NHSL1: variants seen among roughly 807,000 people sequenced by gnomAD.
NHSL1 encodes NHS-like protein 1.
Under a neutral mutation model 95.0 loss-of-function variants are expected in NHSL1, and 48 were observed. That is an observed-to-expected ratio of 0.51 (90% CI 0.40 to 0.64). The LOEUF is 0.64. Ranked by LOEUF, NHSL1 falls within the 30% of genes least tolerant of loss-of-function variation. NHSL1 has a pLI of 0.00. For synonymous variants in NHSL1, 783 were observed against 833.9 expected, an observed-to-expected ratio of 0.94 and a Z score of 1.05; for missense variants, 1,971 against 2,077.7, an observed-to-expected ratio of 0.95 and a Z score of 1.00.
At chr6:138,579,502 T>C (rs1784021132) in intron 1 of NHSL1, among the ~76,000 whole-genome samples, 1 of 152,258 alleles carries the variant, frequency 6.6e-6, no homozygotes, top group African/African-American at 2.4e-5. Context: ...TGTTTCACTT[T>C]GGGAAGAAAG....
At chr6:138,547,021 C>T (rs773970458), upstream of NHSL1, among the ~76,000 whole-genome samples, 1 of 152,216 alleles carries the variant, frequency 6.6e-6, no homozygotes, top group Non-Finnish European at 1.5e-5. Flanking sequence ...CCATTGTTCA[C>T]AGGACCCGTT....
chr6:138,573,716 G>A (rs1485662833), upstream of NHSL1, among the ~76,000 whole-genome samples: 1 of 152,110 alleles, frequency 6.6e-6, no homozygotes, highest in Non-Finnish European at 1.5e-5. Flanking sequence ...TTGAGATCAC[G>A]TAGTTTAAAC....
chr6:138,432,819 C>T lies in NHSL1; in HGVS notation c.1526G>A (p.Arg509Lys), dbSNP rs567311669. Residue 509 changes from arginine to lysine, a missense_variant, in exon 6 of 8, where the codon AGG becomes AAG. Coordinates refer to ENST00000343505, the MANE Select transcript of NHSL1 (RefSeq NM_001144060.2). The surrounding 1 kb of genome is among the most constrained non-coding windows in gnomAD (Gnocchi z 4.4). ...SAVPLNAPAN[R>K]ENGSQAMPYN... ...CGGCATAGCTTGGGACCCATTCTCC[C>T]TATTTGCTGGAGCATTTAGAGGGAC... 72 of 1,551,626 alleles carry T rather than the reference C, an allele frequency of 4.6e-5. 2 individuals are homozygous for T. The South Asian group carries it at 8.0e-4, about 17-fold the overall frequency.
Position 138,432,043 on chromosome 6 carries a change from C to A in NHSL1, c.2302G>T (p.Asp768Tyr), listed in dbSNP as rs1218709231. The A allele has an allele frequency of 6.4e-7, 1 of 1,551,644 alleles. No homozygotes were observed. Among genetic ancestry groups the A allele is most frequent in the Non-Finnish European group, 8.7e-7 (1 of 1,147,008 alleles). The change falls in exon 6 of 8, where the codon GAC becomes TAC. Residue 768 changes from aspartate (D) to tyrosine (Y), a missense_variant. By Grantham distance (160) the Asp-to-Tyr change is radical (BLOSUM62 -3). Transcript: ENST00000343505. The surrounding 1 kb of genome is among the most constrained non-coding windows in gnomAD (Gnocchi z 4.4). ...TACTCTGACTTGACGCTGCTTGTGT[C>A]ACTCTGCGATGGCGTGGCCCCGCAC... is the stretch of plus-strand genomic sequence containing the variant. ...SLCGATPSQS[D>Y]TSSVKSEYTD...
chr6:138,552,369 G>A (rs1583400604), intron 1 of NHSL1, among the ~76,000 whole-genome samples: 1 of 152,084 alleles, frequency 6.6e-6, no homozygotes, highest in Admixed American at 6.5e-5. Context: ...GCAGTGAGCT[G>A]AGATCATGCC....
intron 3 of NHSL1, among the ~76,000 whole-genome samples, chr6:138,466,062 C>G (rs1179157997): frequency 7.4e-6 from 1 of 134,752 alleles, no homozygotes; most frequent in Non-Finnish European, 1.6e-5. Flanking sequence ...CAGGGGGGAA[C>G]AGAGTCTTGC....
chr6:138,582,206 CTTAAT>C (rs1215569678), intron 1 of NHSL1, among the ~76,000 whole-genome samples: 1 of 151,996 alleles, frequency 6.6e-6, no homozygotes, highest in African/African-American at 2.4e-5. Flanking sequence ...CCAAAGTGGC[CTTAAT>C]TTAAAGAGCA....
At position 138,636,297 on chromosome 6, in the gene NHSL1, C is replaced by T. The variant is rs1784888189; in HGVS notation, c.96+56179G>A. Among the ~76,000 whole-genome samples, 3 of 152,172 alleles carry T rather than the reference C, an allele frequency of 2.0e-5. No homozygotes were observed. In the East Asian group the frequency reaches 5.8e-4, roughly 29 times the overall value. On this transcript the variant is annotated intron_variant, in intron 1 of 3. Coordinates refer to the NHSL1 transcript ENST00000491526. ...CATAATAAATGCCACATACAACAGACCCATAGCTAATATAATGAACAGGGA... is the reference window on the plus strand; with the variant it reads ...CATAATAAATGCCACATACAACAGATCCATAGCTAATATAATGAACAGGGA...
chr6:138,587,164 G>T (rs1167582984), intron 1 of NHSL1, among the ~76,000 whole-genome samples: 1 of 151,732 alleles, frequency 6.6e-6, no homozygotes, highest in African/African-American at 2.4e-5. Context: ...GTAGAGGTGG[G>T]TTTTTGCCAT....
chr6:138,470,046 AT>A (rs1382599250), intron 3 of NHSL1, among the ~76,000 whole-genome samples: 3 of 152,100 alleles, frequency 2.0e-5, no homozygotes, highest in Non-Finnish European at 4.4e-5. Context: ...TTAGTATATA[AT>A]AATGTCTAAT....
intron 1 of NHSL1, among the ~76,000 whole-genome samples, chr6:138,511,176 A>G (rs1165206487): frequency 1.3e-5 from 2 of 152,234 alleles, no homozygotes; most frequent in Non-Finnish European, 2.9e-5. Flanking sequence ...CAGAAAAATA[A>G]CAATGGCATT....
intron 1 of NHSL1, among the ~76,000 whole-genome samples, chr6:138,578,539 TAAG>T (rs1784004478): frequency 6.6e-6 from 1 of 152,184 alleles, no homozygotes; most frequent in African/African-American, 2.4e-5. Context: ...TCTTCTAATA[TAAG>T]AAGACCAAGG....
At chr6:138,582,443 T>C (rs1468620494) in intron 1 of NHSL1, among the ~76,000 whole-genome samples, 1 of 152,106 alleles carries the variant, frequency 6.6e-6, no homozygotes, top group Non-Finnish European at 1.5e-5. Flanking sequence ...TTGAAACCAG[T>C]AAGCAAATAG....
chr6:138,466,445 T>C (rs1367431500), intron 3 of NHSL1, among the ~76,000 whole-genome samples: 2 of 152,252 alleles, frequency 1.3e-5, no homozygotes, highest in African/African-American at 4.8e-5. Flanking sequence ...TAAAATGTTC[T>C]TCCAGAAATG....
intron 1 of NHSL1, among the ~76,000 whole-genome samples, chr6:138,641,301 G>A (rs989485826): frequency 5.9e-5 from 9 of 152,040 alleles, no homozygotes; most frequent in African/African-American, 1.4e-4. Context: ...TGGATGAGTC[G>A]GGAAAAGACT....
intron 3 of NHSL1, among the ~76,000 whole-genome samples, chr6:138,448,236 C>G (rs1776989661): frequency 6.6e-6 from 1 of 152,308 alleles, no homozygotes; most frequent in Middle Eastern, 3.4e-3. Context: ...TCCACAGCAG[C>G]TGGTTCTGTG....
At chr6:138,484,347 A>G (rs1340926060) in intron 2 of NHSL1, among the ~76,000 whole-genome samples, 1 of 152,054 alleles carries the variant, frequency 6.6e-6, no homozygotes, top group Non-Finnish European at 1.5e-5. Flanking sequence ...TTGCCAGGGG[A>G]GGGGGTAAAA....
intron 1 of NHSL1, among the ~76,000 whole-genome samples, chr6:138,672,019 T>C (rs982609781): frequency 6.6e-6 from 1 of 152,052 alleles, no homozygotes; most frequent in African/African-American, 2.4e-5. Flanking sequence ...TACTTAAAAC[T>C]AAAAAACCAC....
chr6:138,647,326 C>A (rs760978948), intron 1 of NHSL1, among the ~76,000 whole-genome samples: 1 of 152,176 alleles, frequency 6.6e-6, no homozygotes, highest in East Asian at 1.9e-4. Flanking sequence ...AATTTTAAAT[C>A]GTGACAATTA....
Sources: gnomAD v4.1 joint callset for allele counts (sites outside exome capture counted in the v4.1 genomes callset) on GRCh38, gnomAD v4.1.1 for gene constraint, Gnocchi (gnomAD v3.1) non-coding constraint, MANE v1.5 for transcripts, NCBI Gene and HGNC (gene_info 2026-07-23, HGNC 2026-07-21) for gene names.